RCBTB2: variants seen among roughly 807,000 people sequenced by gnomAD.
RCBTB2 encodes RCC1 and BTB domain containing protein 2.
RCBTB2 carries 55 observed loss-of-function variants against 65.4 expected under a neutral mutation model. That is an observed-to-expected ratio of 0.84 (90% CI 0.68 to 1.05). The LOEUF is 1.05. Ranked by LOEUF, RCBTB2 falls within the 50% of genes least tolerant of loss-of-function variation. RCBTB2 has a pLI of 0.00. For missense variants in RCBTB2, 599 were observed against 680.1 expected (o/e 0.88, Z 1.33); for synonymous variants, 220 against 255.2 (o/e 0.86, Z 1.31).
chr13:48,508,216 T>C (rs1950598948), intron 10 of RCBTB2, among the ~76,000 whole-genome samples: 1 of 152,200 alleles, frequency 6.6e-6, no homozygotes, highest in Admixed American at 6.5e-5. Context: ...AGTTATGACA[T>C]ATACTTGACT....
chr13:48,502,976 C>T, intron 10 of RCBTB2, 62 bp from the exon 11 acceptor site: 9 of 1,443,320 alleles, frequency 6.2e-6, no homozygotes, highest in Non-Finnish European at 8.3e-6. Flanking sequence ...GTTGGGTCCT[C>T]CTCCCGCCAG....
chr13:48,498,326 G>T (rs370178844), intron 13 of RCBTB2, among the ~76,000 whole-genome samples: 3 of 152,192 alleles, frequency 2.0e-5, no homozygotes, highest in South Asian at 4.1e-4. Flanking sequence ...ATTTTTATCT[G>T]AAGTTCACTA....
intron 14 of RCBTB2, chr13:48,492,314 A>T (rs1181074667): frequency 1.3e-5 from 2 of 152,182 alleles, no homozygotes; most frequent in African/African-American, 4.8e-5. Context: ...CCACTGCTCC[A>T]CCTACTAAGG....
At position 48,491,476 on chromosome 13, in the gene RCBTB2, A is replaced by G. The variant is rs532120164; in HGVS notation, c.1516-1225T>C. Reference sequence around the variant, plus strand: ...CACTTGTCATCACAGCATACTATACATAAAAATGTGCTTCAATGATACATG... The same window carrying G: ...CACTTGTCATCACAGCATACTATACGTAAAAATGTGCTTCAATGATACATG... On this transcript the variant is annotated intron_variant, in intron 14 of 14. Transcript: ENST00000344532. Among the ~76,000 whole-genome samples the G allele has an allele frequency of 9.8e-4, 150 of 152,362 alleles. 4 individuals carry two copies. The highest frequency in any genetic ancestry group is 3.9e-3 in the South Asian group (19 of 4,824).
chr13:48,522,220 C>T (rs539887101), intron 3 of RCBTB2, 88 bp downstream of exon 3: 240 of 896,346 alleles, frequency 2.7e-4, no homozygotes, highest in Non-Finnish European at 3.9e-4. Context: ...TCAAAATTCA[C>T]ATGGGTCCTT....
At chr13:48,508,755 A>G (rs1362679713) in intron 10 of RCBTB2, among the ~76,000 whole-genome samples, 2 of 152,222 alleles carry the variant, frequency 1.3e-5, no homozygotes, top group Non-Finnish European at 2.9e-5. Flanking sequence ...TTAAGAAGAC[A>G]GAAATGCAAT....
chr13:48,507,197 G>A (rs180894409), intron 10 of RCBTB2, among the ~76,000 whole-genome samples: 9 of 152,334 alleles, frequency 5.9e-5, no homozygotes, highest in Non-Finnish European at 1.2e-4. Context: ...GGTGGGGCGC[G>A]GATTTGGTTG....
At chr13:48,511,571 T>C (rs897694473) in intron 9 of RCBTB2, among the ~76,000 whole-genome samples, 199 bp downstream of exon 9, 11 of 152,184 alleles carry the variant, frequency 7.2e-5, no homozygotes, top group African/African-American at 2.7e-4. Flanking sequence ...CCAAAAGGTA[T>C]GTGACAGTGC....
chr13:48,514,507 T>C (rs1254571079), intron 6 of RCBTB2, among the ~76,000 whole-genome samples: 1 of 152,256 alleles, frequency 6.6e-6, no homozygotes, highest in Non-Finnish European at 1.5e-5. Context: ...TCTCTGACTA[T>C]GTGCTGCCTA....
intron 11 of RCBTB2, among the ~76,000 whole-genome samples, chr13:48,502,149 T>G (rs1182999723): frequency 2.0e-5 from 3 of 148,520 alleles, no homozygotes; most frequent in African/African-American, 7.9e-5. Context: ...TTTGAGTAAA[T>G]ACGCTAGTTA....
chr13:48,516,756 C>T (rs1427313930), intron 4 of RCBTB2, among the ~76,000 whole-genome samples: 4 of 152,130 alleles, frequency 2.6e-5, no homozygotes, highest in African/African-American at 7.2e-5. Flanking sequence ...TCACGAGCAC[C>T]CACACTCCTA....
intron 14 of RCBTB2, among the ~76,000 whole-genome samples, chr13:48,495,730 A>G (rs1349464789): frequency 6.6e-6 from 1 of 152,208 alleles, no homozygotes. Flanking sequence ...TTATCTCTAA[A>G]AATATATTCC....
At chr13:48,518,475 AT>A (rs1261453341) in intron 4 of RCBTB2, among the ~76,000 whole-genome samples, 1,830 of 93,608 alleles carry the variant, frequency 0.02, 35 homozygotes, top group African/African-American at 0.065. Context: ...AAAAAAAAAT[AT>A]ATATATATAT....
intron 10 of RCBTB2, among the ~76,000 whole-genome samples, chr13:48,503,125 A>T (rs1219287271): frequency 6.6e-6 from 1 of 152,212 alleles, no homozygotes; most frequent in Non-Finnish European, 1.5e-5. Flanking sequence ...CATTTAAGCC[A>T]CACTTCAATG....
chr13:48,514,018 C>T (rs1398998436), intron 6 of RCBTB2, among the ~76,000 whole-genome samples: 1 of 152,186 alleles, frequency 6.6e-6, no homozygotes, highest in Non-Finnish European at 1.5e-5. Context: ...ACAAAATGTA[C>T]TGTTCACAAT....
intron 10 of RCBTB2, among the ~76,000 whole-genome samples, chr13:48,504,802 T>G (rs1950410948): frequency 6.6e-6 from 1 of 152,218 alleles, no homozygotes; most frequent in East Asian, 1.9e-4. Flanking sequence ...GATCCTCCAC[T>G]GCCTCCTTTA....
chr13:48,502,946 A>G (rs760836522), intron 10 of RCBTB2, 32 bp from the exon 11 acceptor site: 10 of 1,511,864 alleles, frequency 6.6e-6, no homozygotes, highest in African/African-American at 2.3e-5. Context: ...ACATAAGCAC[A>G]GTGACCGGGG....
Position 48,521,897 on chromosome 13 carries a change from C to T in RCBTB2, c.42+1G>A, listed in dbSNP as rs1445060307. On this transcript the variant is annotated splice_donor_variant, in intron 4 of 14. Coordinates refer to ENST00000344532, the MANE Select transcript of RCBTB2 (RefSeq NM_001268.4). LOFTEE classifies it high-confidence loss of function. The stretch of plus-strand genomic sequence containing the variant: ...CTCCAAGGGCATGATTTTTTTCTAA[C>T]CTTGCCACTGTCTCCAGAGAAAAGA... 6 of 1,613,458 alleles carry T rather than the reference C, an allele frequency of 3.7e-6. No homozygotes were observed. Among genetic ancestry groups the T allele is most frequent in the Non-Finnish European group, 4.2e-6 (5 of 1,179,722 alleles).
intron 12 of RCBTB2, 45 bp from the exon 13 acceptor site, chr13:48,499,805 G>C: frequency 6.2e-7 from 1 of 1,610,624 alleles, no homozygotes; most frequent in Non-Finnish European, 8.5e-7. Context: ...TCCCAGCCAG[G>C]ACAGATGGCC....
Sources: allele counts gnomAD v4.1 joint callset (sites outside exome capture counted in the v4.1 genomes callset), GRCh38; gene constraint gnomAD v4.1.1; transcripts MANE v1.5; gene names NCBI Gene and HGNC (gene_info 2026-07-23, HGNC 2026-07-21).